The following DCAF6 variants were observed in gnomAD, a reference collection of about 807,000 sequenced individuals.
DCAF6 encodes DDB1 and CUL4 associated factor 6, also known as DDB1- and CUL4-associated factor 6.
DCAF6 carries 54 observed loss-of-function variants against 125.1 expected under a neutral mutation model. The observed-to-expected ratio is 0.43, with a 90% CI of 0.35 to 0.54. The LOEUF (loss-of-function observed/expected upper bound fraction) is 0.54. Among genes scored for constraint, DCAF6 ranks in the 20% least tolerant of loss-of-function variants. DCAF6 has a pLI of 0.01. For missense variants in DCAF6, 934 were observed against 1,161.7 expected (o/e 0.80, Z 2.85); for synonymous variants, 371 against 390.4 (o/e 0.95, Z 0.58).
At chr1:167,867,942 G>T in the DCAF6 span, among the ~76,000 whole-genome samples, 1 of 152,154 alleles carries the variant, frequency 6.6e-6, no homozygotes, top group East Asian at 1.9e-4. Flanking sequence ...CCTCCTGTAC[G>T]AGTGGAAGCT....
At position 168,015,762 on chromosome 1, in the gene DCAF6, C is replaced by CT; in HGVS notation, c.1379-15dup. On this transcript the variant is annotated intron_variant, in intron 10 of 21. Transcript: ENST00000367840. ...ATTTTATTACTGTCTTTTCACCTTT[C>CT]TTTTCCTATTTGTGTCAGAATTTTT... The CT allele has an allele frequency of 7.0e-7, 1 of 1,435,790 alleles. No individual in the cohort carries two copies. Among genetic ancestry groups the CT allele is most frequent in the Non-Finnish European group, 9.2e-7 (1 of 1,087,470 alleles). The allele number at this position is 1,435,790 out of a possible 1,614,324, so 88.9% of individuals were successfully genotyped here.
At chr1:168,018,471 C>T (rs1027698528) in intron 11 of DCAF6, among the ~76,000 whole-genome samples, 1 of 152,132 alleles carries the variant, frequency 6.6e-6, no homozygotes, top group African/African-American at 2.4e-5. Context: ...AAACATGAAA[C>T]AAGGAGCGAC....
In DCAF6 at chr1:167,997,506, GA is replaced by G. The variant is rs536994644; in HGVS notation, c.903+4067del. Among the ~76,000 whole-genome samples the G allele has an allele frequency of 6.7e-5, 10 of 150,338 alleles. No homozygotes were observed. In the South Asian group the frequency reaches 2.1e-3, roughly 31 times the overall value. On this transcript the variant is annotated intron_variant, in intron 7 of 21. Transcript: ENST00000367840. ...TTACACATAATATGGAATTTATGGG[GA>G]TTTTTTTTTCTGTCTCCTTTGCTCA...
At chr1:167,925,442 C>CGTATATATAT in the DCAF6 span, among the ~76,000 whole-genome samples, 85 of 82,402 alleles carry the variant, frequency 1.0e-3, no homozygotes, top group Non-Finnish European at 1.3e-3. Context: ...TACATATACA[C>CGTATATATAT]ATATATATAT....
Position 167,936,904 on chromosome 1 carries a change from G to C in DCAF6, c.-8G>C. The C allele has an allele frequency of 6.3e-7, 1 of 1,594,204 alleles. No individual in the cohort carries two copies. Among genetic ancestry groups the C allele is most frequent in the Non-Finnish European group, 8.5e-7 (1 of 1,171,784 alleles). On this transcript the variant is annotated 5_prime_UTR_variant, in exon 1 of 22. Transcript: ENST00000367840. ...TGGTCTCCCCTCCCACCCGGCTCAG[G>C]CAGAGCCATGTCTCGGGGTGGCTCC...
At chr1:167,887,598 G>T in the DCAF6 span, among the ~76,000 whole-genome samples, 1 of 152,058 alleles carries the variant, frequency 6.6e-6, no homozygotes, top group East Asian at 1.9e-4. Context: ...TAATGTAAAA[G>T]ATGAGTTAAT....
the DCAF6 span, among the ~76,000 whole-genome samples, chr1:167,884,039 G>A: frequency 9.9e-5 from 15 of 152,232 alleles, no homozygotes; most frequent in Non-Finnish European, 1.6e-4. Flanking sequence ...CATGCAATGC[G>A]TAATAATCAC....
At chr1:167,894,188 G>A in the DCAF6 span, among the ~76,000 whole-genome samples, 285 of 152,306 alleles carry the variant, frequency 1.9e-3, 2 homozygotes, top group Non-Finnish European at 2.2e-3. Context: ...CTGACATGAC[G>A]CTTTGGGACT....
At chr1:168,001,704 A>C (rs553759208) in intron 7 of DCAF6, among the ~76,000 whole-genome samples, 2 of 152,288 alleles carry the variant, frequency 1.3e-5, no homozygotes, top group South Asian at 2.1e-4. Context: ...AGAGAGAGAA[A>C]ATGGATGTAG....
At chr1:167,948,792 C>T (rs1363481686) in intron 1 of DCAF6, among the ~76,000 whole-genome samples, 1 of 152,146 alleles carries the variant, frequency 6.6e-6, no homozygotes, top group African/African-American at 2.4e-5. Flanking sequence ...GCTGGGACTA[C>T]AGGTGCCCAT....
intron 3 of DCAF6, among the ~76,000 whole-genome samples, chr1:167,970,389 G>A (rs1677125801): frequency 6.6e-6 from 1 of 152,114 alleles, no homozygotes; most frequent in African/African-American, 2.4e-5. Context: ...TGTGGCTCAC[G>A]CTTATAATCC....
At chr1:167,899,854 C>A in the DCAF6 span, among the ~76,000 whole-genome samples, 6 of 152,224 alleles carry the variant, frequency 3.9e-5, no homozygotes, top group Non-Finnish European at 8.8e-5. Context: ...TTTTGCCTGT[C>A]TGTAACATTA....
chr1:167,932,137 G>A (rs992652060), upstream of DCAF6, among the ~76,000 whole-genome samples: 3 of 152,108 alleles, frequency 2.0e-5, no homozygotes, highest in African/African-American at 4.8e-5. Context: ...TCAGATAGCT[G>A]TTTTTGGGAC....
chr1:168,051,444 A>G (rs1016211517), intron 17 of DCAF6, among the ~76,000 whole-genome samples: 1 of 152,250 alleles, frequency 6.6e-6, no homozygotes, highest in East Asian at 1.9e-4. Context: ...AAGATGATAT[A>G]TAAGCCTCAA....
rs1013422124 is a variant in DCAF6 at position 167,967,073 on chromosome 1, ATTATC to A, written c.252+356_252+360del. On this transcript the variant is annotated intron_variant, in intron 3 of 21. Coordinates refer to ENST00000367840, the MANE Select transcript of DCAF6 (RefSeq NM_001198956.2). ...TTACTTTTATGTGTTACCTTAATAT[ATTATC>A]TTAACATTCTAAAAAGTTACTTATT... 1.4e-4 allele frequency among the ~76,000 whole-genome samples: 22 copies of A among 152,294 alleles called. No homozygotes were observed. In the East Asian group the frequency reaches 2.5e-3, roughly 17 times the overall value.
intron 17 of DCAF6, among the ~76,000 whole-genome samples, chr1:168,062,124 T>C (rs1039993274): frequency 6.6e-6 from 1 of 152,124 alleles, no homozygotes; most frequent in Non-Finnish European, 1.5e-5. Context: ...CTTACAAACA[T>C]AATTCTGAGC....
In DCAF6 at chr1:168,041,734, AATAT is replaced by A. The variant is rs575980214; in HGVS notation, c.1728-1290_1728-1287del. Among the ~76,000 whole-genome samples the A allele has an allele frequency of 3.3e-5, 5 of 152,068 alleles. No homozygotes were observed. The South Asian group carries it at 1.0e-3, about 32-fold the overall frequency. Reference sequence around the variant, plus strand: ...TGTCTCTATTCCTACTCAGTACCATAATATTTTAATTACTATAATGTATACACTA... The same window carrying A: ...TGTCTCTATTCCTACTCAGTACCATATTTAATTACTATAATGTATACACTA... On this transcript the variant is annotated intron_variant, in intron 13 of 21. Transcript: ENST00000367840.
chr1:167,985,253 G>A (rs1679831740), intron 4 of DCAF6, among the ~76,000 whole-genome samples: 1 of 151,950 alleles, frequency 6.6e-6, no homozygotes, highest in East Asian at 1.9e-4. Context: ...GCGTGTGCAC[G>A]TGGCTTAAAG....
At chr1:167,926,534 A>G in the DCAF6 span, among the ~76,000 whole-genome samples, 2 of 152,372 alleles carry the variant, frequency 1.3e-5, no homozygotes, top group African/African-American at 4.8e-5. Flanking sequence ...TTAACTAAAT[A>G]TTAGCCAAGT....
Sources: gnomAD v4.1 joint callset for allele counts (sites outside exome capture counted in the v4.1 genomes callset) on GRCh38, gnomAD v4.1.1 for gene constraint, MANE v1.5 for transcripts, NCBI Gene and HGNC (gene_info 2026-07-23, HGNC 2026-07-21) for gene names.